The following PGS1 variants were observed in gnomAD, a reference collection of about 807,000 sequenced individuals.
The protein encoded by PGS1 is phosphatidylglycerophosphate synthase 1.
Under a neutral mutation model 58.3 loss-of-function variants are expected in PGS1, and 44 were observed. The ratio of observed to expected loss-of-function variants is 0.75; its 90% CI spans 0.59 to 0.97. The LOEUF (loss-of-function observed/expected upper bound fraction) is 0.97. Ranked by LOEUF, PGS1 falls within the 50% of genes least tolerant of loss-of-function variation. The pLI, the probability that PGS1 is intolerant of heterozygous loss-of-function variation, is 0.00. For missense variants in PGS1, 684 were observed against 731.1 expected, an observed-to-expected ratio of 0.94 and a Z score of 0.74; for synonymous variants, 330 against 311.0, an observed-to-expected ratio of 1.06 and a Z score of -0.64.
chr17:78,420,669 CATT>C (rs1201195828), intron 9 of PGS1: 1 of 152,218 alleles, frequency 6.6e-6, no homozygotes, highest in Non-Finnish European at 1.5e-5. Flanking sequence ...TGCTAAGTCT[CATT>C]GTTTAAAAAT....
chr17:78,420,127 T>TGTAGTGCACAGGGTGGGGCGTCG (rs2085574242), intron 9 of PGS1: 1 of 1,033,616 alleles, frequency 9.7e-7, no homozygotes, highest in African/African-American at 1.7e-5. Context: ...CCTGGCCGGC[T>TGTAGTGCACAGGGTGGGGCGTCG]GTAGTGCACA....
chr17:78,410,879 C>T (rs995615814), intron 7 of PGS1, among the ~76,000 whole-genome samples: 1 of 152,164 alleles, frequency 6.6e-6, no homozygotes, highest in African/African-American at 2.4e-5. Flanking sequence ...AGCTGTGTCC[C>T]AGGCATCATT....
intron 8 of PGS1, among the ~76,000 whole-genome samples, chr17:78,416,133 C>T (rs2085165238): frequency 6.6e-6 from 1 of 152,112 alleles, no homozygotes; most frequent in Non-Finnish European, 1.5e-5. Flanking sequence ...AAAGGCTTCA[C>T]GACCACGACA....
At chr17:78,402,413 TATATATATATATATAC>T (rs765735737) in intron 6 of PGS1, among the ~76,000 whole-genome samples, 311 of 23,808 alleles carry the variant, frequency 0.013, no homozygotes, top group Middle Eastern at 0.12. Context: ...TATATATATA[TATATATATATATATAC>T]ACACACACAC....
At chr17:78,388,384 A>C (rs2082560008) in intron 1 of PGS1, among the ~76,000 whole-genome samples, 1 of 152,164 alleles carries the variant, frequency 6.6e-6, no homozygotes, top group Non-Finnish European at 1.5e-5. Context: ...TTTTCTGCTG[A>C]AAGTGGTCTT....
intron 7 of PGS1, among the ~76,000 whole-genome samples, chr17:78,410,082 G>T (rs923620570): frequency 6.6e-6 from 1 of 151,834 alleles, no homozygotes; most frequent in African/African-American, 2.4e-5. Flanking sequence ...CTGTACCCCA[G>T]TGTGGGTGAG....
Position 78,424,560 on chromosome 17 carries a change from TA to T in PGS1, c.*511del. 1 of 160,286 alleles carries T rather than the reference TA, an allele frequency of 6.2e-6. No individual in the cohort carries two copies. The highest frequency in any genetic ancestry group is 1.3e-5 in the Non-Finnish European group (1 of 74,694). The allele number at this position is 160,286 out of a possible 1,614,324, so 9.9% of individuals were successfully genotyped here. A position where few individuals can be genotyped will look rare whatever the true frequency, so the allele number is the denominator to read the frequency against. On this transcript the variant is annotated 3_prime_UTR_variant, in exon 10 of 10. Transcript: ENST00000262764. ...ATAATTATACATCTGTGCATATAAATATTGCCTTTAACCAGACTGCTATTAT... is the reference window on the plus strand; with the variant it reads ...ATAATTATACATCTGTGCATATAAATTTGCCTTTAACCAGACTGCTATTAT...
chr17:78,380,738 A>G (rs1433630332), intron 1 of PGS1: 2 of 152,246 alleles, frequency 1.3e-5, no homozygotes, highest in East Asian at 3.8e-4. Flanking sequence ...AAAACACTTC[A>G]TTATAAATCA....
At chr17:78,384,562 T>C (rs2082247388) in intron 1 of PGS1, among the ~76,000 whole-genome samples, 1 of 152,146 alleles carries the variant, frequency 6.6e-6, no homozygotes, top group South Asian at 2.1e-4. Flanking sequence ...TTGGATGGGC[T>C]CCAGGCCACA....
chr17:78,403,605 G>C lies in PGS1; in HGVS notation c.918G>C (p.Arg306Ser). The change falls in exon 7 of 10, where the codon AGG becomes AGC. Residue 306 changes from arginine to serine, a missense_variant. Coordinates refer to ENST00000262764, the MANE Select transcript of PGS1 (RefSeq NM_024419.5). ...RAEYCKAANK[R>S]VMDVINSART... Reference sequence around the variant, plus strand: ...AGTACTGCAAGGCAGCCAATAAGAGGGTCATGGATGTGATCAACTCAGCCA... The same window carrying C: ...AGTACTGCAAGGCAGCCAATAAGAGCGTCATGGATGTGATCAACTCAGCCA... 1 of 1,613,768 alleles carries C rather than the reference G, an allele frequency of 6.2e-7. No individual in the cohort carries two copies. The highest frequency in any genetic ancestry group is 1.3e-5 in the African/African-American group (1 of 75,008).
chr17:78,389,053 C>CTTTTTTTTTT (rs5822252), intron 1 of PGS1, among the ~76,000 whole-genome samples: 11 of 96,002 alleles, frequency 1.1e-4, no homozygotes, highest in African/African-American at 3.4e-4. Flanking sequence ...CCTCTTCTTC[C>CTTTTTTTTTT]TTTTTTTTTT....
intron 3 of PGS1, among the ~76,000 whole-genome samples, chr17:78,397,897 G>C (rs548258358): frequency 7.9e-5 from 12 of 152,362 alleles, no homozygotes; most frequent in African/African-American, 2.9e-4. Flanking sequence ...TCTTTACGAG[G>C]AGGGCACTGT....
intron 2 of PGS1, among the ~76,000 whole-genome samples, chr17:78,393,002 C>T (rs1211393926): frequency 6.6e-6 from 1 of 151,922 alleles, no homozygotes; most frequent in African/African-American, 2.4e-5. Flanking sequence ...CAAGTGATCC[C>T]CCTGCCTCGG....
chr17:78,388,963 T>C (rs8069695), intron 1 of PGS1, among the ~76,000 whole-genome samples: 27,598 of 151,582 alleles, frequency 0.18, 3,390 homozygotes, highest in African/African-American at 0.35. Flanking sequence ...CATATGTGCT[T>C]ACATGATGGC....
At chr17:78,404,461 G>C (rs2083954443) in intron 7 of PGS1, among the ~76,000 whole-genome samples, 2 of 151,688 alleles carry the variant, frequency 1.3e-5, no homozygotes, top group Non-Finnish European at 2.9e-5. Context: ...TTGTATTTTT[G>C]TAGAGATGGG....
chr17:78,397,031 C>G (rs1178515198), intron 3 of PGS1, among the ~76,000 whole-genome samples: 1 of 152,222 alleles, frequency 6.6e-6, no homozygotes, highest in Admixed American at 6.5e-5. Flanking sequence ...CTGGCTCGTT[C>G]TGCCAAGGGC....
intron 1 of PGS1, among the ~76,000 whole-genome samples, chr17:78,387,108 A>G (rs977957129): frequency 2.6e-5 from 4 of 152,164 alleles, no homozygotes; most frequent in Admixed American, 6.5e-5. Flanking sequence ...GGTTCAACCA[A>G]TTCTCCTGAC....
At chr17:78,394,257 T>G (rs560590311) in intron 2 of PGS1, among the ~76,000 whole-genome samples, 2 of 146,380 alleles carry the variant, frequency 1.4e-5, no homozygotes, top group South Asian at 4.5e-4. Flanking sequence ...CAATAGGAAA[T>G]CTGGGTAGAG....
Position 78,400,685 on chromosome 17 carries a change from T to G in PGS1, c.710T>G (p.Leu237Arg). 1 of 1,613,352 alleles carries G rather than the reference T, an allele frequency of 6.2e-7. No homozygotes were observed. Among genetic ancestry groups the G allele is most frequent in the South Asian group, 1.1e-5 (1 of 91,056 alleles). ...ATCTTCCCTCCCTGTAGTGCAAACC[T>G]GAGTGACTCCTACTTCACCAACCGC... is the stretch of plus-strand genomic sequence containing the variant. The part of the protein sequence containing the change: ...DNSVILSGAN[L>R]SDSYFTNRQD... Residue 237 changes from leucine (L) to arginine (R), a missense_variant, in exon 6 of 10, where the codon CTG becomes CGG. Physicochemically the swap from Leu to Arg is moderately radical, Grantham distance 102. Transcript: ENST00000262764. This position sits in a 1 kb window ranked among gnomAD's most constrained non-coding sequence, Gnocchi z 4.4.
Sources: allele counts gnomAD v4.1 joint callset (sites outside exome capture counted in the v4.1 genomes callset), GRCh38; gene constraint gnomAD v4.1.1; non-coding constraint Gnocchi (gnomAD v3.1); transcripts MANE v1.5; gene names NCBI Gene and HGNC (gene_info 2026-07-23, HGNC 2026-07-21).